Variants in FUT9 observed in about 807,000 individuals in gnomAD.
FUT9 encodes fucosyltransferase 9.
A neutral mutation model predicts 29.7 loss-of-function variants in FUT9; 15 were observed. The ratio of observed to expected loss-of-function variants is 0.51; its 90% CI spans 0.34 to 0.78. The LOEUF is 0.78. Ranked by LOEUF, FUT9 falls within the 30% of genes least tolerant of loss-of-function variation. The probability of loss-of-function intolerance (pLI) is 0.01; values close to 1 mark genes in which losing one functional copy is unlikely to be tolerated. For missense variants in FUT9, 319 were observed against 425.4 expected (o/e 0.75, Z 2.20); for synonymous variants, 169 against 153.7 (o/e 1.10, Z -0.74).
chr6:96,096,688 G>GTGTGTGTGTGTGTA (rs1412218169), intron 1 of FUT9, among the ~76,000 whole-genome samples: 1 of 151,066 alleles, frequency 6.6e-6, no homozygotes, highest in Non-Finnish European at 1.5e-5. Context: ...TAAGGCATGT[G>GTGTGTGTGTGTGTA]TGTGTGTGTG....
intron 2 of FUT9, among the ~76,000 whole-genome samples, chr6:96,169,064 T>C (rs1258843683): frequency 6.6e-6 from 1 of 152,138 alleles, no homozygotes; most frequent in African/African-American, 2.4e-5. Flanking sequence ...TCATTAGCAG[T>C]CAACATGCCC....
chr6:96,126,474 T>G (rs1202700020), intron 2 of FUT9, among the ~76,000 whole-genome samples: 13 of 152,176 alleles, frequency 8.5e-5, no homozygotes, highest in Non-Finnish European at 4.4e-5. Flanking sequence ...TCCAACAAGA[T>G]GTCATTCTTT....
chr6:96,178,711 A>G (rs1216241674), intron 2 of FUT9, among the ~76,000 whole-genome samples: 3 of 151,892 alleles, frequency 2.0e-5, no homozygotes, highest in African/African-American at 7.3e-5. Context: ...TCCTCATTTG[A>G]TTTTCTTTTT....
intron 1 of FUT9, among the ~76,000 whole-genome samples, chr6:96,100,267 A>G (rs1771567097): frequency 1.9e-5 from 1 of 53,156 alleles, no homozygotes; most frequent in African/African-American, 4.4e-5. Flanking sequence ...ACACACACAC[A>G]CACACACACA....
chr6:96,076,542 CA>C (rs1204389649), intron 1 of FUT9, among the ~76,000 whole-genome samples: 3 of 152,156 alleles, frequency 2.0e-5, no homozygotes, highest in Non-Finnish European at 4.4e-5. Context: ...ATAAAACTGA[CA>C]AAGCCATCTG....
intron 2 of FUT9, among the ~76,000 whole-genome samples, chr6:96,170,623 A>T (rs943039936): frequency 3.3e-5 from 5 of 152,074 alleles, no homozygotes; most frequent in African/African-American, 1.2e-4. Context: ...ACTTAGAATC[A>T]TTGCCTTCTA....
chr6:96,087,645 G>A (rs138851648), intron 1 of FUT9, among the ~76,000 whole-genome samples: 24 of 152,150 alleles, frequency 1.6e-4, no homozygotes, highest in South Asian at 4.1e-4. Context: ...AATTACATGC[G>A]TGAGCCACCA....
intron 1 of FUT9, among the ~76,000 whole-genome samples, chr6:96,098,665 T>G (rs1737461819): frequency 6.6e-6 from 1 of 152,130 alleles, no homozygotes; most frequent in Non-Finnish European, 1.5e-5. Flanking sequence ...AAAAATTACT[T>G]TAAGAATAAT....
intron 1 of FUT9, among the ~76,000 whole-genome samples, chr6:96,083,905 C>CAAGA (rs1771277348): frequency 1.3e-5 from 2 of 151,938 alleles, no homozygotes; most frequent in African/African-American, 2.4e-5. Flanking sequence ...TGAGTGTCTT[C>CAAGA]CAGACTATTT....
rs143531302 is a variant in FUT9, at chr6:96,060,996, A to G, written c.-98+44784A>G. On this transcript the variant is annotated intron_variant, in intron 1 of 2. Coordinates refer to ENST00000302103, the MANE Select transcript of FUT9 (RefSeq NM_006581.4). ...AGTTAGTTTTGACAAAGCAAATATT[A>G]TAAATGGCCAAATACATAAGCCTGT... 3.0e-3 allele frequency among the ~76,000 whole-genome samples: 457 copies of G among 152,308 alleles called. 1 individual carries two copies. The highest frequency in any genetic ancestry group is 0.01 in the African/African-American group (427 of 41,574).
intron 2 of FUT9, among the ~76,000 whole-genome samples, chr6:96,169,661 A>G (rs186322372): frequency 3.9e-5 from 6 of 152,280 alleles, no homozygotes; most frequent in Non-Finnish European, 4.4e-5. Context: ...TTAAAATCAA[A>G]GAACTATTCT....
intron 2 of FUT9, among the ~76,000 whole-genome samples, chr6:96,121,860 A>G (rs1562132781): frequency 7.0e-6 from 1 of 143,798 alleles, no homozygotes; most frequent in African/African-American, 2.5e-5. Context: ...ATAAATCTCT[A>G]TGTTGCTAAA....
Position 96,211,147 on chromosome 6 carries a change from A to G in FUT9, c.*6912A>G, listed in dbSNP as rs972241076. 1.2e-5 allele frequency: 2 copies of G among 167,022 alleles called. No homozygotes were observed. The highest frequency in any genetic ancestry group is 3.9e-4 in the East Asian group (2 of 5,186). The allele number at this position is 167,022 out of a possible 1,614,324, so 10.3% of individuals were successfully genotyped here. ...AAACAAATAAATACAGCATGGAAGC[A>G]TATATTCATGTTTCCCATAATTACT... On this transcript the variant is annotated 3_prime_UTR_variant, in exon 3 of 3. Transcript: ENST00000302103.
Position 96,209,057 on chromosome 6 carries a change from A to T in FUT9, c.*4822A>T, listed in dbSNP as rs773402778. On this transcript the variant is annotated 3_prime_UTR_variant, in exon 3 of 3. Transcript: ENST00000302103. ...AAACAGTTAACAGAATCTAAATAAG[A>T]TATAGCCGGCTAAATCTGGAATGTG... is the stretch of plus-strand genomic sequence containing the variant. The T allele has an allele frequency of 6.6e-5, 11 of 166,852 alleles. No individual in the cohort carries two copies. Among genetic ancestry groups the T allele is most frequent in the Admixed American group, 3.3e-4 (5 of 15,234 alleles). The allele number at this position is 166,852 out of a possible 1,614,324, so 10.3% of individuals were successfully genotyped here. A position where few individuals can be genotyped will look rare whatever the true frequency, so the allele number is the denominator to read the frequency against.
At chr6:96,090,015 G>C (rs930063233) in intron 1 of FUT9, among the ~76,000 whole-genome samples, 3 of 152,036 alleles carry the variant, frequency 2.0e-5, no homozygotes, top group Non-Finnish European at 2.9e-5. Context: ...AAAATACAAA[G>C]ATATGAGGAG....
intron 1 of FUT9, among the ~76,000 whole-genome samples, chr6:96,058,706 G>A (rs1770820892): frequency 6.6e-6 from 1 of 152,156 alleles, no homozygotes; most frequent in Non-Finnish European, 1.5e-5. Context: ...GTAAGCATTA[G>A]CAATGTTGTT....
chr6:96,080,889 A>G (rs1486063723), intron 1 of FUT9, among the ~76,000 whole-genome samples: 2 of 151,954 alleles, frequency 1.3e-5, no homozygotes, highest in African/African-American at 4.8e-5. Context: ...TCATTGGTAA[A>G]CATATTTCTT....
chr6:96,195,392 G>A (rs1773604883), intron 2 of FUT9, among the ~76,000 whole-genome samples: 2 of 152,106 alleles, frequency 1.3e-5, no homozygotes, highest in Admixed American at 1.3e-4. Context: ...GGAAATACCA[G>A]GGATTATATA....
intron 2 of FUT9, among the ~76,000 whole-genome samples, chr6:96,135,209 T>C (rs1772324723): frequency 1.3e-5 from 2 of 151,978 alleles, no homozygotes; most frequent in African/African-American, 2.4e-5. Flanking sequence ...CTGAGGTGTG[T>C]ATAGTATAAT....
Sources: allele counts gnomAD v4.1 joint callset (sites outside exome capture counted in the v4.1 genomes callset), GRCh38; gene constraint gnomAD v4.1.1; transcripts MANE v1.5; gene names NCBI Gene and HGNC (gene_info 2026-07-23, HGNC 2026-07-21).